The following POU1F1 variants were observed in gnomAD, a reference collection of about 807,000 sequenced individuals.
POU1F1 encodes the protein POU class 1 homeobox 1.
A neutral mutation model predicts 32.3 loss-of-function variants in POU1F1; 23 were observed. The ratio of observed to expected loss-of-function variants is 0.71; its 90% CI spans 0.51 to 1.01. The LOEUF is 1.01. Among genes scored for constraint, POU1F1 ranks in the 50% least tolerant of loss-of-function variants. The probability of loss-of-function intolerance (pLI) is 0.00; values close to 1 mark genes in which losing one functional copy is unlikely to be tolerated. For synonymous variants in POU1F1, 120 were observed against 115.6 expected, an observed-to-expected ratio of 1.04 and a Z score of -0.25; for missense variants, 323 against 341.6, an observed-to-expected ratio of 0.95 and a Z score of 0.43.
chr3:87,271,187 C>T (rs557990332), intron 2 of POU1F1, among the ~76,000 whole-genome samples: 15 of 152,050 alleles, frequency 9.9e-5, no homozygotes, highest in African/African-American at 3.1e-4. Context: ...GGAAGAGGTT[C>T]GTGGAAGAGG....
Position 87,259,906 on chromosome 3 carries a change from A to C in POU1F1, c.864T>G (p.Leu288=). The change falls in exon 6 of 6, where the codon CTT becomes CTG. Residue 288 remains leucine, a synonymous_variant. Coordinates refer to ENST00000350375, the MANE Select transcript of POU1F1 (RefSeq NM_000306.4). Reference sequence around the variant, plus strand: ...CAATAGAAAAATCTTATCTGCACTCAAGATGTTCCTTAGAAATAGAAAATA... The same window carrying C: ...CAATAGAAAAATCTTATCTGCACTCCAGATGTTCCTTAGAAATAGAAAATA... The part of the protein sequence containing the change: ...QSLFSISKEH[L]ECR 6.2e-7 allele frequency: 1 copy of C among 1,613,748 alleles called. No homozygotes were observed. The highest frequency in any genetic ancestry group is 8.5e-7 in the Non-Finnish European group (1 of 1,179,644).
intron 2 of POU1F1, among the ~76,000 whole-genome samples, chr3:87,268,326 C>T (rs1383444053): frequency 1.3e-5 from 2 of 151,922 alleles, no homozygotes; most frequent in Admixed American, 6.6e-5. Flanking sequence ...AGGCTATTCT[C>T]GGACTCCTGA....
intron 2 of POU1F1, among the ~76,000 whole-genome samples, chr3:87,265,769 A>G (rs1052959333): frequency 2.6e-5 from 4 of 152,010 alleles, no homozygotes; most frequent in Admixed American, 6.6e-5. Context: ...AGATGATTTA[A>G]GGTAGAAGAT....
At position 87,262,237 on chromosome 3, in the gene POU1F1, T is replaced by A; in HGVS notation, c.440-2A>T. On this transcript the variant is annotated splice_acceptor_variant, in intron 3 of 5. Transcript: ENST00000350375. LOFTEE classifies it high-confidence loss of function. ...CCCCAACATTTGTCTGGGTGTATCC[T>A]GTGAAGGGACAATAAAGACCATCAG... is the stretch of plus-strand genomic sequence containing the variant. The A allele has an allele frequency of 6.2e-7, 1 of 1,614,032 alleles. No individual in the cohort carries two copies. Among genetic ancestry groups the A allele is most frequent in the Non-Finnish European group, 8.5e-7 (1 of 1,179,922 alleles).
At chr3:87,262,260 C>T in intron 3 of POU1F1, 25 bp from the exon 4 acceptor site, 1 of 1,613,410 alleles carries the variant, frequency 6.2e-7, no homozygotes, top group Non-Finnish European at 8.5e-7. Context: ...TAAAGACCAT[C>T]AGCTCCAACT....
intron 3 of POU1F1, among the ~76,000 whole-genome samples, chr3:87,263,632 T>C (rs1706552973): frequency 1.3e-5 from 2 of 152,092 alleles, no homozygotes; most frequent in South Asian, 4.1e-4. Context: ...TTGCTGCGCA[T>C]ATATTTATAT....
chr3:87,276,558 C>A lies in POU1F1; in HGVS notation c.-96G>T, dbSNP rs2106944391. The A allele has an allele frequency of 1.4e-6, 2 of 1,404,194 alleles. No individual in the cohort carries two copies. Among genetic ancestry groups the A allele is most frequent in the East Asian group, 4.9e-5 (2 of 40,610 alleles). 87.0% of individuals were successfully genotyped at this position (1,404,194 alleles called of 1,614,324 possible). On this transcript the variant is annotated 5_prime_UTR_variant, in exon 1 of 6. Coordinates refer to ENST00000350375, the MANE Select transcript of POU1F1 (RefSeq NM_000306.4). ...CAAAGGGCCGATTCAATTCTCACTA[C>A]CTGCATATATACATCAGGAAGGCTC...
At chr3:87,268,719 T>C (rs1706672703) in intron 2 of POU1F1, among the ~76,000 whole-genome samples, 1 of 152,152 alleles carries the variant, frequency 6.6e-6, no homozygotes, top group African/African-American at 2.4e-5. Flanking sequence ...AGAAAAATTA[T>C]CTTGAGGCCT....
At chr3:87,268,223 T>C (rs7431413) in intron 2 of POU1F1, among the ~76,000 whole-genome samples, 141,570 of 150,706 alleles carry the variant, frequency 0.94, 66,969 homozygotes, top group East Asian at 1. Flanking sequence ...GGACTACAGG[T>C]GCCTGCCACC....
intron 2 of POU1F1, among the ~76,000 whole-genome samples, chr3:87,272,079 G>GTT (rs199977557): frequency 3.7e-4 from 53 of 144,266 alleles, no homozygotes; most frequent in African/African-American, 1.2e-3. Flanking sequence ...TTTGTCTGCG[G>GTT]TTTTTTTTTT....
At position 87,264,471 on chromosome 3, in the gene POU1F1, A is replaced by C. The variant is rs1360402119; in HGVS notation, c.256T>G (p.Leu86Val). ...PCLYKFPDHTLSHGFPPIHQP... is the reference protein window; with the variant it reads ...PCLYKFPDHTVSHGFPPIHQP... ...TGTATAGGAGGAAATCCATGACTCA[A>C]GGTGTGGTCAGGAAATTTATAAAGA... The change falls in exon 3 of 6, where the codon TTG becomes GTG. Residue 86 changes from leucine (L) to valine (V), a missense_variant. Leu to Val is a conservative substitution (Grantham distance 32). Coordinates refer to ENST00000350375, the MANE Select transcript of POU1F1 (RefSeq NM_000306.4). 1.2e-6 allele frequency: 2 copies of C among 1,612,704 alleles called. No homozygotes were observed. Among genetic ancestry groups the C allele is most frequent in the East Asian group, 4.5e-5 (2 of 44,850 alleles).
intron 1 of POU1F1, among the ~76,000 whole-genome samples, chr3:87,275,150 G>T (rs1048908483): frequency 6.6e-6 from 1 of 151,868 alleles, no homozygotes; most frequent in Non-Finnish European, 1.5e-5. Flanking sequence ...AAACTATTGT[G>T]TCTTCCAAAA....
rs971527440 is a variant in POU1F1, at chr3:87,262,322, G to A, written c.440-87C>T. The A allele has an allele frequency of 1.0e-4, 147 of 1,432,010 alleles. 1 individual carries two copies. Among genetic ancestry groups the A allele is most frequent in the Non-Finnish European group, 1.3e-4 (136 of 1,020,074 alleles). The allele number at this position is 1,432,010 out of a possible 1,614,324, so 88.7% of individuals were successfully genotyped here. On this transcript the variant is annotated intron_variant, in intron 3 of 5. Transcript: ENST00000350375. ...TTGTCACACAAATCTGTGTATCTTT[G>A]TCAACTATTACACACTATTTTTTAA... is the stretch of plus-strand genomic sequence containing the variant.
chr3:87,261,871 A>G (rs1706520079), intron 4 of POU1F1, among the ~76,000 whole-genome samples, 200 bp downstream of exon 4: 2 of 152,172 alleles, frequency 1.3e-5, no homozygotes, highest in Admixed American at 1.3e-4. Flanking sequence ...ATCCTCAATA[A>G]ATTTATTTCC....
chr3:87,264,425 T>C lies in POU1F1; in HGVS notation c.302A>G (p.Asp101Gly). ...PPIHQPLLAE[D>G]PTAADFKQEL... ...CTGCTTGAAATCAGCAGCTGTGGGG[T>C]CCTCTGCCAGAAGAGGCTGGTGTAT... Residue 101 changes from aspartate to glycine, a missense_variant, in exon 3 of 6, where the codon GAC (aspartate) becomes GGC (glycine). Coordinates refer to ENST00000350375, the MANE Select transcript of POU1F1 (RefSeq NM_000306.4). 4 of 1,613,626 alleles carry C rather than the reference T, an allele frequency of 2.5e-6. No homozygotes were observed. Among genetic ancestry groups the C allele is most frequent in the Non-Finnish European group, 3.4e-6 (4 of 1,179,674 alleles).
At chr3:87,266,257 A>G in intron 2 of POU1F1, among the ~76,000 whole-genome samples, 1 of 146,532 alleles carries the variant, frequency 6.8e-6, no homozygotes, top group South Asian at 2.1e-4. Context: ...TTTATATTTT[A>G]TATAAATTTA....
intron 2 of POU1F1, among the ~76,000 whole-genome samples, chr3:87,272,650 ACAGTCATACTT>A (rs1253590593): frequency 1.3e-5 from 2 of 152,218 alleles, no homozygotes; most frequent in Non-Finnish European, 2.9e-5. Flanking sequence ...CATAATTGAT[ACAGTCATACTT>A]CACTTACCTA....
At chr3:87,266,261 AAATTT>A (rs1265923181) in intron 2 of POU1F1, among the ~76,000 whole-genome samples, 1 of 146,564 alleles carries the variant, frequency 6.8e-6, no homozygotes, top group Admixed American at 6.9e-5. Flanking sequence ...TATTTTATAT[AAATTT>A]AATTTAATGT....
intron 1 of POU1F1, 56 bp from the exon 2 acceptor site, chr3:87,273,474 G>T (rs1258040123): frequency 6.2e-7 from 1 of 1,607,704 alleles, no homozygotes; most frequent in East Asian, 2.2e-5. Flanking sequence ...TAGGAGTTTG[G>T]ATCAAAGACA....
Sources: allele counts gnomAD v4.1 joint callset (sites outside exome capture counted in the v4.1 genomes callset), GRCh38; gene constraint gnomAD v4.1.1; transcripts MANE v1.5; gene names NCBI Gene and HGNC (gene_info 2026-07-23, HGNC 2026-07-21).